The following C6 variants were observed in gnomAD, a reference collection of about 807,000 sequenced individuals.
C6 encodes the protein complement C6.
Under a neutral mutation model 112.9 loss-of-function variants are expected in C6, and 101 were observed. The observed-to-expected ratio is 0.89, with a 90% CI of 0.76 to 1.06. C6 has a LOEUF of 1.06. Among genes scored for constraint, C6 ranks in the 50% least tolerant of loss-of-function variants. The pLI is 0.00. For missense variants in C6, 1,202 were observed against 1,104.6 expected (o/e 1.09, Z -1.25); for synonymous variants, 431 against 384.1 (o/e 1.12, Z -1.43).
intron 1 of C6, among the ~76,000 whole-genome samples, chr5:41,234,062 G>A (rs1239470418): frequency 6.6e-6 from 1 of 151,972 alleles, no homozygotes; most frequent in Non-Finnish European, 1.5e-5. Flanking sequence ...CTTAACCATA[G>A]TCAAGGTTTT....
intron 13 of C6, among the ~76,000 whole-genome samples, chr5:41,156,658 TA>T (rs1746942273): frequency 6.6e-6 from 1 of 152,194 alleles, no homozygotes; most frequent in Non-Finnish European, 1.5e-5. Flanking sequence ...GCCATATGGT[TA>T]AACTTGTCTC....
chr5:41,256,735 T>C (rs1741738844), intron 1 of C6, among the ~76,000 whole-genome samples: 2 of 152,316 alleles, frequency 1.3e-5, no homozygotes, highest in African/African-American at 4.8e-5. Flanking sequence ...AACCTTCTTT[T>C]TTTCTGGAAT....
intron 1 of C6, among the ~76,000 whole-genome samples, chr5:41,204,617 A>G (rs375578863): frequency 1.3e-5 from 2 of 148,688 alleles, no homozygotes; most frequent in East Asian, 2.0e-4. Flanking sequence ...TTTTTTCAGT[A>G]TGTTCAGAAA....
At chr5:41,259,902 G>C (rs529788462) in intron 1 of C6, among the ~76,000 whole-genome samples, 20 of 152,300 alleles carry the variant, frequency 1.3e-4, no homozygotes, top group Non-Finnish European at 2.2e-4. Flanking sequence ...CACAGAAATT[G>C]AGGATTATTT....
chr5:41,180,575 A>G (rs1749248376), intron 7 of C6, among the ~76,000 whole-genome samples: 1 of 152,164 alleles, frequency 6.6e-6, no homozygotes, highest in Non-Finnish European at 1.5e-5. Context: ...ATACTTAGAC[A>G]TACCCTAAGT....
At chr5:41,195,408 T>C (rs534129602) in intron 5 of C6, among the ~76,000 whole-genome samples, 1 of 152,162 alleles carries the variant, frequency 6.6e-6, no homozygotes. Context: ...GCTCCTGACA[T>C]TTCTGAGTGG....
intron 1 of C6, among the ~76,000 whole-genome samples, chr5:41,204,411 T>G (rs1310773687): frequency 1.3e-5 from 2 of 152,120 alleles, no homozygotes; most frequent in Non-Finnish European, 2.9e-5. Flanking sequence ...CACACATTTT[T>G]AATAGATATT....
chr5:41,149,058 A>G (rs1352366733), intron 17 of C6, among the ~76,000 whole-genome samples, 183 bp downstream of exon 17: 1 of 152,194 alleles, frequency 6.6e-6, no homozygotes, highest in African/African-American at 2.4e-5. Context: ...ACATTACTAC[A>G]GTAGTTATTT....
chr5:41,235,538 C>T (rs1180184943), intron 1 of C6, among the ~76,000 whole-genome samples: 8 of 143,896 alleles, frequency 5.6e-5, no homozygotes, highest in Admixed American at 1.4e-4. Context: ...AATAAACATA[C>T]GTGTGCATGT....
At chr5:41,196,056 G>T (rs1750594119) in intron 4 of C6, 123 bp from the exon 5 acceptor site, 1 of 1,171,018 alleles carries the variant, frequency 8.5e-7, no homozygotes, top group Non-Finnish European at 1.2e-6. Context: ...CACTGTTTTT[G>T]ATAGAGTTTT....
At chr5:41,152,267 C>T (rs180814854) in intron 15 of C6, among the ~76,000 whole-genome samples, 8 of 151,430 alleles carry the variant, frequency 5.3e-5, no homozygotes, top group South Asian at 4.2e-4. Context: ...AATAGCATGT[C>T]GGTGAGGGAG....
chr5:41,155,512 AC>A (rs1446439916), intron 13 of C6, among the ~76,000 whole-genome samples: 2 of 152,042 alleles, frequency 1.3e-5, no homozygotes, highest in African/African-American at 4.8e-5. Flanking sequence ...ATATGGCAAA[AC>A]CCACAAAATA....
rs953183853 is a variant in C6, at chr5:41,239,985, G to T, written c.-21+21209C>A. 5.9e-5 allele frequency among the ~76,000 whole-genome samples: 9 copies of T among 151,988 alleles called. 1 individual carries two copies. The highest frequency in any genetic ancestry group is 5.9e-4 in the Admixed American group (9 of 15,266). ...GAGAAATCTGCTGTTAGTCTGTGGG[G>T]GTTCTCTTATATGTGACTAGACACT... On this transcript the variant is annotated intron_variant, in intron 1 of 17. Coordinates refer to the C6 transcript ENST00000263413.
Position 41,149,408 on chromosome 5 carries a change from A to G in C6, c.2456T>C (p.Leu819Ser). Residue 819 changes from leucine to serine, a missense_variant, in exon 17 of 18, where the codon TTG becomes TCG. Coordinates refer to ENST00000337836, the MANE Select transcript of C6 (RefSeq NM_000065.5). ...DYFTSPACKFLAEKCLNNQQL... is the reference protein window; with the variant it reads ...DYFTSPACKFSAEKCLNNQQL... ...CTGATTATTTAAACATTTCTCAGCC[A>G]AAAACTTACAAGCGGGTGAAGTAAA... 1 of 1,614,134 alleles carries G rather than the reference A, an allele frequency of 6.2e-7. No homozygotes were observed. Among genetic ancestry groups the G allele is most frequent in the South Asian group, 1.1e-5 (1 of 91,082 alleles).
At chr5:41,252,226 C>T (rs544055438) in intron 1 of C6, among the ~76,000 whole-genome samples, 3 of 152,192 alleles carry the variant, frequency 2.0e-5, no homozygotes, top group Admixed American at 2.0e-4. Context: ...AATATGTTAA[C>T]CTCATTTGGC....
intron 6 of C6, among the ~76,000 whole-genome samples, chr5:41,184,027 G>T (rs1418827688): frequency 6.6e-6 from 1 of 152,044 alleles, no homozygotes; most frequent in Non-Finnish European, 1.5e-5. Flanking sequence ...TGGGTACTCT[G>T]CTCAGTACCT....
At chr5:41,259,693 G>A (rs1029000403) in intron 1 of C6, among the ~76,000 whole-genome samples, 2 of 152,106 alleles carry the variant, frequency 1.3e-5, no homozygotes, top group African/African-American at 4.8e-5. Flanking sequence ...CTAATTTTAG[G>A]AAGAGGTTTC....
intron 1 of C6, among the ~76,000 whole-genome samples, chr5:41,220,951 A>G (rs1739132368): frequency 6.6e-6 from 1 of 152,114 alleles, no homozygotes; most frequent in Admixed American, 6.6e-5. Flanking sequence ...AAAAAGAGCA[A>G]GCATCTAACA....
intron 11 of C6, 76 bp from the exon 12 acceptor site, chr5:41,159,329 T>A (rs549621024): frequency 6.5e-7 from 1 of 1,545,316 alleles, no homozygotes; most frequent in South Asian, 1.2e-5. Flanking sequence ...CCAACCTGGT[T>A]TCCTCACTTT....
Sources: allele counts gnomAD v4.1 joint callset (sites outside exome capture counted in the v4.1 genomes callset), GRCh38; gene constraint gnomAD v4.1.1; transcripts MANE v1.5; gene names NCBI Gene and HGNC (gene_info 2026-07-23, HGNC 2026-07-21).